The following NEMP2 variants were observed in gnomAD, a reference collection of about 807,000 sequenced individuals.
NEMP2 encodes the protein nuclear envelope integral membrane protein 2.
A neutral mutation model predicts 54.2 loss-of-function variants in NEMP2; 53 were observed. The observed-to-expected ratio is 0.98, with a 90% CI of 0.78 to 1.23. The LOEUF (loss-of-function observed/expected upper bound fraction) is 1.23, where lower values mean the gene tolerates loss of function less well. Among genes scored for constraint, NEMP2 ranks in the 50% most tolerant of loss-of-function variants. The pLI is 0.00. For synonymous variants in NEMP2, 197 were observed against 190.3 expected (o/e 1.04, Z -0.29); for missense variants, 455 against 511.3 (o/e 0.89, Z 1.06).
the NEMP2 span, among the ~76,000 whole-genome samples, chr2:190,425,838 T>C: frequency 1.3e-5 from 2 of 152,204 alleles, no homozygotes; most frequent in Non-Finnish European, 2.9e-5. The surrounding 1 kb of genome is among the most constrained non-coding windows in gnomAD (Gnocchi z 4.3). Context: ...TTTCTGGATA[T>C]AGCATTCTGC....
chr2:190,570,952 A>T, the NEMP2 span, among the ~76,000 whole-genome samples: 1 of 152,190 alleles, frequency 6.6e-6, no homozygotes, highest in African/African-American at 2.4e-5. The surrounding 1 kb of genome is among the most constrained non-coding windows in gnomAD (Gnocchi z 5.4). Context: ...CAGTTAGCAA[A>T]TTTATTGTTT....
chr2:190,480,303 A>G, the NEMP2 span, among the ~76,000 whole-genome samples: 5 of 152,246 alleles, frequency 3.3e-5, no homozygotes, highest in Non-Finnish European at 5.9e-5. Flanking sequence ...CAGTTCTCCA[A>G]AGAGATGTAC....
rs1268040932 is a variant in NEMP2 at position 190,523,621 on chromosome 2, A to C, written c.213+1642T>G. On this transcript the variant is annotated intron_variant, in intron 2 of 8. Transcript: ENST00000409150. This position sits in a 1 kb window ranked among gnomAD's most constrained non-coding sequence, Gnocchi z 5.3. ...GACTGTTCCTTGGAAAAAAAATGTTATGATTCCAGAGCTAAGTCTATGAAA... is the reference window on the plus strand; with the variant it reads ...GACTGTTCCTTGGAAAAAAAATGTTCTGATTCCAGAGCTAAGTCTATGAAA... Among the ~76,000 whole-genome samples, 1 of 150,738 alleles carries C rather than the reference A, an allele frequency of 6.6e-6. No homozygotes were observed. The highest frequency in any genetic ancestry group is 6.6e-5 in the Admixed American group (1 of 15,098).
chr2:190,516,616 G>C (rs1294258316), intron 5 of NEMP2, among the ~76,000 whole-genome samples: 1 of 152,160 alleles, frequency 6.6e-6, no homozygotes, highest in Non-Finnish European at 1.5e-5. Context: ...TGCTAAATCA[G>C]AACCTGCATT....
the NEMP2 span, among the ~76,000 whole-genome samples, chr2:190,432,472 A>G: frequency 4.6e-5 from 7 of 152,304 alleles, no homozygotes; most frequent in East Asian, 1.2e-3. Flanking sequence ...TGGAGAATGC[A>G]GTGGCGTGAT....
the NEMP2 span, among the ~76,000 whole-genome samples, chr2:190,474,209 TAAGA>T: frequency 6.6e-6 from 1 of 151,852 alleles, no homozygotes; most frequent in Non-Finnish European, 1.5e-5. Context: ...AAGAAATAAC[TAAGA>T]TCAGAGCAGA....
chr2:190,602,685 C>G, the NEMP2 span, among the ~76,000 whole-genome samples: 1 of 152,188 alleles, frequency 6.6e-6, no homozygotes, highest in Non-Finnish European at 1.5e-5. Flanking sequence ...TCTTCCTGTA[C>G]ATGCCCATGG....
the NEMP2 span, among the ~76,000 whole-genome samples, chr2:190,478,701 G>A: frequency 6.6e-6 from 1 of 152,228 alleles, no homozygotes; most frequent in Non-Finnish European, 1.5e-5. Context: ...CTTGTTGATT[G>A]CCAAAGACCT....
At chr2:190,446,015 T>C in the NEMP2 span, among the ~76,000 whole-genome samples, 1 of 152,164 alleles carries the variant, frequency 6.6e-6, no homozygotes, top group African/African-American at 2.4e-5. Flanking sequence ...TGCCTCCTCC[T>C]TGATCAATCA....
chr2:190,640,832 T>A, the NEMP2 span: 1 of 103,944 alleles, frequency 9.6e-6, no homozygotes, highest in Admixed American at 1.1e-4. Context: ...TTTTTTTTTT[T>A]AGCTAGATGG....
chr2:190,601,350 G>A, the NEMP2 span, among the ~76,000 whole-genome samples: 9 of 152,124 alleles, frequency 5.9e-5, no homozygotes, highest in Non-Finnish European at 2.9e-5. The surrounding 1 kb of genome is among the most constrained non-coding windows in gnomAD (Gnocchi z 5.8). Flanking sequence ...GGCATCCAGA[G>A]CTATGAGACC....
the NEMP2 span, among the ~76,000 whole-genome samples, chr2:190,450,997 GCATTT>G: frequency 9.3e-4 from 142 of 152,336 alleles, no homozygotes; most frequent in African/African-American, 3.3e-3. Flanking sequence ...CATTGGCCAA[GCATTT>G]CATTCCATTG....
chr2:190,427,288 G>A, the NEMP2 span, among the ~76,000 whole-genome samples: 33 of 152,348 alleles, frequency 2.2e-4, no homozygotes, highest in South Asian at 5.8e-3. Flanking sequence ...TAGTTGAGGG[G>A]TTGGGGGTTC....
chr2:190,555,783 G>A, the NEMP2 span, among the ~76,000 whole-genome samples: 10 of 152,152 alleles, frequency 6.6e-5, no homozygotes, highest in Admixed American at 1.3e-4. The surrounding 1 kb of genome is among the most constrained non-coding windows in gnomAD (Gnocchi z 4.8). Context: ...AACCTAGCAA[G>A]GCAGGCCAAC....
the NEMP2 span, among the ~76,000 whole-genome samples, chr2:190,594,836 TTAC>T: frequency 4.5e-4 from 69 of 152,326 alleles, no homozygotes; most frequent in African/African-American, 1.6e-3. The surrounding 1 kb of genome is among the most constrained non-coding windows in gnomAD (Gnocchi z 5.6). Context: ...TTGTGCTTAA[TTAC>T]TACTTTTTCT....
In NEMP2 at chr2:190,525,030, T is replaced by C. The variant is rs896593078; in HGVS notation, c.213+233A>G. ...ATGCTGTATACATTTAGATAGTATA[T>C]TCATTGGGAGTGGCTTGGGAGGGGC... On this transcript the variant is annotated intron_variant, in intron 2 of 8. Coordinates refer to ENST00000409150, the MANE Select transcript of NEMP2 (RefSeq NM_001142645.2). This position sits in a 1 kb window ranked among gnomAD's most constrained non-coding sequence, Gnocchi z 5.0. Among the ~76,000 whole-genome samples the C allele has an allele frequency of 1.3e-5, 2 of 152,186 alleles. No individual in the cohort carries two copies. Among genetic ancestry groups the C allele is most frequent in the South Asian group, 2.1e-4 (1 of 4,826 alleles).
the NEMP2 span, among the ~76,000 whole-genome samples, chr2:190,647,484 G>A: frequency 6.6e-6 from 1 of 152,144 alleles, no homozygotes; most frequent in Non-Finnish European, 1.5e-5. Context: ...GCCAGCCAGG[G>A]TGTGGGAATG....
intron 1 of NEMP2, chr2:190,534,108 C>T: frequency 1.0e-6 from 1 of 987,636 alleles, no homozygotes; most frequent in Non-Finnish European, 1.2e-6. Context: ...GAAGCTGTTA[C>T]CTTCTCTAGT....
chr2:190,605,438 A>C, the NEMP2 span, among the ~76,000 whole-genome samples: 2 of 151,656 alleles, frequency 1.3e-5, no homozygotes, highest in African/African-American at 4.8e-5. Flanking sequence ...GCAGTGGCGC[A>C]ATCTCAGGTC....
Sources: gnomAD v4.1 joint callset for allele counts (sites outside exome capture counted in the v4.1 genomes callset) on GRCh38, gnomAD v4.1.1 for gene constraint, Gnocchi (gnomAD v3.1) non-coding constraint, MANE v1.5 for transcripts, NCBI Gene and HGNC (gene_info 2026-07-23, HGNC 2026-07-21) for gene names.